PTPN5: variants seen among roughly 807,000 people sequenced by gnomAD.
PTPN5 encodes tyrosine-protein phosphatase non-receptor type 5.
A neutral mutation model predicts 73.9 loss-of-function variants in PTPN5; 29 were observed. That is an observed-to-expected ratio of 0.39 (90% CI 0.29 to 0.54). The LOEUF (loss-of-function observed/expected upper bound fraction) is 0.54, where lower values mean the gene tolerates loss of function less well. Among genes scored for constraint, PTPN5 ranks in the 20% least tolerant of loss-of-function variants. PTPN5 has a pLI of 0.65. For synonymous variants in PTPN5, 267 were observed against 304.7 expected (o/e 0.88, Z 1.29); for missense variants, 652 against 751.4 (o/e 0.87, Z 1.55).
chr11:18,762,919 T>A (rs559138132), intron 3 of PTPN5, among the ~76,000 whole-genome samples: 1 of 152,258 alleles, frequency 6.6e-6, no homozygotes, highest in African/African-American at 2.4e-5. Context: ...GTGGGAACTG[T>A]TTTCAGTTTG....
At chr11:18,744,292 AAT>A in intron 3 of PTPN5, 93 bp from the exon 4 acceptor site, 1 of 1,144,590 alleles carries the variant, frequency 8.7e-7, no homozygotes, top group Non-Finnish European at 1.2e-6. Flanking sequence ...GCTGCCTCTC[AAT>A]CTGGGATCAG....
At chr11:18,768,827 C>T (rs1427162927) in intron 2 of PTPN5, among the ~76,000 whole-genome samples, 2 of 152,222 alleles carry the variant, frequency 1.3e-5, no homozygotes, top group Non-Finnish European at 2.9e-5. Flanking sequence ...ATACATGGCC[C>T]ATTCAGGCTG....
Position 18,733,145 on chromosome 11 carries a change from T to G in PTPN5, c.1218+90A>C. 2.7e-5 allele frequency: 42 copies of G among 1,538,136 alleles called. No homozygotes were observed. The highest frequency in any genetic ancestry group is 3.1e-5 in the Non-Finnish European group (35 of 1,135,186). The stretch of plus-strand genomic sequence containing the variant: ...AGCGGAGTGAACACCGCCGACCTCT[T>G]GAGATTGTCATAAAGATTAATTTGA... On this transcript the variant is annotated intron_variant, in intron 11 of 14. Transcript: ENST00000358540. The surrounding 1 kb of genome is among the most constrained non-coding windows in gnomAD (Gnocchi z 4.3).
At chr11:18,740,834 G>A (rs780167321) in intron 7 of PTPN5, 42 bp from the exon 8 acceptor site, 107 of 1,372,602 alleles carry the variant, frequency 7.8e-5, no homozygotes, top group Non-Finnish European at 9.7e-5. Flanking sequence ...CAGGGGCAGA[G>A]GGACGGGCAT....
At chr11:18,743,272 A>T (rs1460773070) in intron 5 of PTPN5, 50 bp downstream of exon 5, 1 of 1,551,092 alleles carries the variant, frequency 6.4e-7, no homozygotes, top group Non-Finnish European at 8.9e-7. Flanking sequence ...GTGGGACTAG[A>T]GGCCCCCAAC....
rs1366737047 is a variant in PTPN5, at chr11:18,743,669, C to T, written c.292-240G>A. 4 of 590,346 alleles carry T rather than the reference C, an allele frequency of 6.8e-6. No individual in the cohort carries two copies. The East Asian group carries it at 1.1e-4, about 17-fold the overall frequency. The allele number at this position is 590,346 out of a possible 1,614,324, so 36.6% of individuals were successfully genotyped here. On this transcript the variant is annotated intron_variant, in intron 4 of 14. Transcript: ENST00000358540. ...AAAGCCCTTTCCAGAGAGGACCTCA[C>T]AAATATGTACATCAAAAGAGTAGTC...
In PTPN5 at chr11:18,771,844, T is replaced by C. The variant is rs912793656; in HGVS notation, c.20+95A>G. 8 of 1,036,328 alleles carry C rather than the reference T, an allele frequency of 7.7e-6. No homozygotes were observed. In the African/African-American group the frequency reaches 1.1e-4, roughly 15 times the overall value. The allele number at this position is 1,036,328 out of a possible 1,614,324, so 64.2% of individuals were successfully genotyped here. ...AGGAATGATCAGGCTGAACACCTCA[T>C]GAGAATGGGTCACGTGTCCCAGAGC... On this transcript the variant is annotated intron_variant, in intron 2 of 14. Coordinates refer to ENST00000358540, the MANE Select transcript of PTPN5 (RefSeq NM_006906.2).
In PTPN5 at chr11:18,733,565, G is replaced by A; in HGVS notation, c.1071C>T (p.Asn357=). The part of the protein sequence containing the change: ...DDPLSSYINA[N]YIRGYGGEEK... The stretch of plus-strand genomic sequence containing the variant: ...GGGTGGGAATACGTACCCGGATGTA[G>A]TTGGCATTGATGTAGGAACTCAGAG... The change falls in exon 10 of 15, where the codon AAC becomes AAT. Residue 357 remains asparagine (N), a synonymous_variant. Coordinates refer to ENST00000358540, the MANE Select transcript of PTPN5 (RefSeq NM_006906.2). The surrounding 1 kb of genome is among the most constrained non-coding windows in gnomAD (Gnocchi z 4.3). The A allele has an allele frequency of 6.2e-7, 1 of 1,614,234 alleles. No homozygotes were observed. The highest frequency in any genetic ancestry group is 8.5e-7 in the Non-Finnish European group (1 of 1,180,026).
chr11:18,742,487 C>A lies in PTPN5; in HGVS notation c.500G>T (p.Arg167Met). Reference protein sequence around the residue: ...LVTTLVWHLLRTPPEPPTPLP... With the variant: ...LVTTLVWHLLMTPPEPPTPLP... ...TGGGGTGGGTGGCTCTGGGGGTGTC[C>A]TCAGGAGGTGCCACACCTGGTTGGG... Residue 167 changes from arginine (R) to methionine (M), a missense_variant, in exon 7 of 15, where the codon AGG becomes ATG. Coordinates refer to ENST00000358540, the MANE Select transcript of PTPN5 (RefSeq NM_006906.2). This position sits in a 1 kb window ranked among gnomAD's most constrained non-coding sequence, Gnocchi z 4.1. 1 of 1,613,616 alleles carries A rather than the reference C, an allele frequency of 6.2e-7. No individual in the cohort carries two copies. Among genetic ancestry groups the A allele is most frequent in the Non-Finnish European group, 8.5e-7 (1 of 1,179,984 alleles).
At chr11:18,766,397 AGAGGGCTCT>A (rs1850647305) in intron 2 of PTPN5, among the ~76,000 whole-genome samples, 1 of 152,186 alleles carries the variant, frequency 6.6e-6, no homozygotes, top group African/African-American at 2.4e-5. Flanking sequence ...GTGGACAAGA[AGAGGGCTCT>A]GAGTAACCCA....
At chr11:18,768,212 C>T (rs753808298) in intron 2 of PTPN5, among the ~76,000 whole-genome samples, 12 of 152,194 alleles carry the variant, frequency 7.9e-5, no homozygotes, top group South Asian at 4.1e-4. Context: ...GCTTTGTGGA[C>T]GGGTCTTTGC....
Position 18,764,870 on chromosome 11 carries a change from G to A in PTPN5, c.97+937C>T, listed in dbSNP as rs558541635. Among the ~76,000 whole-genome samples the A allele has an allele frequency of 2.2e-3, 333 of 151,988 alleles. 1 individual carries two copies. Among genetic ancestry groups the A allele is most frequent in the African/African-American group, 7.4e-3 (305 of 41,444 alleles). ...TGGGACTACAGGCGCCCGCCACCAC[G>A]CCTGGCTAATTTTTTGTATTTTTAG... is the stretch of plus-strand genomic sequence containing the variant. On this transcript the variant is annotated intron_variant, in intron 3 of 14. Transcript: ENST00000358540.
intron 1 of PTPN5, among the ~76,000 whole-genome samples, chr11:18,783,501 C>T (rs574694451): frequency 3.3e-5 from 5 of 152,340 alleles, no homozygotes; most frequent in African/African-American, 1.2e-4. Context: ...CTACAGAGCA[C>T]AGTTACTGCC....
At chr11:18,755,867 G>A (rs147592127) in intron 3 of PTPN5, among the ~76,000 whole-genome samples, 6 of 152,088 alleles carry the variant, frequency 3.9e-5, no homozygotes, top group African/African-American at 9.6e-5. Flanking sequence ...AGCCAGGCAT[G>A]GTAGCATGTG....
At chr11:18,737,375 G>A (rs1289987925) in intron 9 of PTPN5, among the ~76,000 whole-genome samples, 1 of 152,146 alleles carries the variant, frequency 6.6e-6, no homozygotes, top group Non-Finnish European at 1.5e-5. Context: ...ATTTGCCTGT[G>A]GGAGTGGATG....
At chr11:18,759,053 T>C (rs770334298) in intron 3 of PTPN5, among the ~76,000 whole-genome samples, 3 of 152,126 alleles carry the variant, frequency 2.0e-5, no homozygotes, top group Non-Finnish European at 2.9e-5. Flanking sequence ...GTCTCAGACC[T>C]GTGGTGGGGA....
At position 18,781,378 on chromosome 11, in the gene PTPN5, G is replaced by A. The variant is rs561199376; in HGVS notation, c.-113-9307C>T. Among the ~76,000 whole-genome samples the A allele has an allele frequency of 4.2e-4, 58 of 137,324 alleles. No individual in the cohort carries two copies. In the South Asian group the frequency reaches 9.5e-3, roughly 23 times the overall value. 90.1% of individuals were successfully genotyped at this position (137,324 alleles called of 152,430 possible). ...TCTGTCACCCAGGCTGGAGCGCAGC[G>A]GCGCGATCTAGGCTCACTGCAGCCT... is the stretch of plus-strand genomic sequence containing the variant. On this transcript the variant is annotated intron_variant, in intron 1 of 14. Coordinates refer to ENST00000358540, the MANE Select transcript of PTPN5 (RefSeq NM_006906.2).
rs770532000 is a variant in PTPN5 at position 18,744,069 on chromosome 11, GCCT to G, written c.225_227del (p.Gly76del). 10 of 1,609,622 alleles carry G rather than the reference GCCT, an allele frequency of 6.2e-6. No homozygotes were observed. In the Admixed American group the frequency reaches 8.4e-5, roughly 14 times the overall value. On this transcript the variant is annotated inframe_deletion, in exon 4 of 15. Coordinates refer to ENST00000358540, the MANE Select transcript of PTPN5 (RefSeq NM_006906.2). ...TGACAGTGAGGGAGTGGCTCCCAGC[GCCT>G]CGAGGTGGTGGCTTCTGAGCTGGAT...
At chr11:18,790,819 C>G (rs988458319) in intron 1 of PTPN5, among the ~76,000 whole-genome samples, 1 of 152,124 alleles carries the variant, frequency 6.6e-6, no homozygotes, top group Non-Finnish European at 1.5e-5. Flanking sequence ...TCTCTGGTGA[C>G]CTTGGTCCGC....
Sources: allele counts gnomAD v4.1 joint callset (sites outside exome capture counted in the v4.1 genomes callset), GRCh38; gene constraint gnomAD v4.1.1; non-coding constraint Gnocchi (gnomAD v3.1); transcripts MANE v1.5; gene names NCBI Gene and HGNC (gene_info 2026-07-23, HGNC 2026-07-21).